Variants in C1orf167 observed in about 807,000 individuals in gnomAD.
The protein encoded by C1orf167 is chromosome 1 open reading frame 167.
Under a neutral mutation model 176.5 loss-of-function variants are expected in C1orf167, and 153 were observed. The ratio of observed to expected loss-of-function variants is 0.87; its 90% CI spans 0.76 to 0.99. The LOEUF is 0.99. Among genes scored for constraint, C1orf167 ranks in the 50% least tolerant of loss-of-function variants. The pLI is 0.00. For synonymous variants in C1orf167, 594 were observed against 752.7 expected (o/e 0.79, Z 3.45); for missense variants, 1,490 against 1,817.7 (o/e 0.82, Z 3.28).
At position 11,766,167 on chromosome 1, in the gene C1orf167, C is replaced by A; in HGVS notation, c.381C>A (p.Ile127=). The A allele has an allele frequency of 3.1e-6, 4 of 1,289,878 alleles. No homozygotes were observed. Among genetic ancestry groups the A allele is most frequent in the Non-Finnish European group, 4.0e-6 (4 of 988,868 alleles). The allele number at this position is 1,289,878 out of a possible 1,614,324, so 79.9% of individuals were successfully genotyped here. A position where few individuals can be genotyped will look rare whatever the true frequency, so the allele number is the denominator to read the frequency against. The change falls in exon 3 of 21, where the codon ATC becomes ATA. Residue 127 remains isoleucine, a synonymous_variant. Transcript: ENST00000688073. The surrounding 1 kb of genome is among the most constrained non-coding windows in gnomAD (Gnocchi z 4.5). ...EFAIQQSNLS[I]NETSSPHLCP... is the part of the protein sequence containing the mutation. ...CCATCCAGCAGAGCAACCTGAGCAT[C>A]AACGAGACCAGCAGCCCCCACCTCT...
rs775566076 is a variant in C1orf167 at position 11,768,270 on chromosome 1, C to T, written c.1537C>T (p.Arg513Ter). 16 of 1,289,856 alleles carry T rather than the reference C, an allele frequency of 1.2e-5. 1 individual carries two copies. Among genetic ancestry groups the T allele is most frequent in the East Asian group, 5.6e-5 (1 of 18,018 alleles). 79.9% of individuals were successfully genotyped at this position (1,289,856 alleles called of 1,614,324 possible). A position where few individuals can be genotyped will look rare whatever the true frequency, so the allele number is the denominator to read the frequency against. ...AAAGGTTCTGCTGGTCCGGAGCTTC[C>T]GAGAGGTCAGCGGTCTCCAGGTTGG... is the stretch of plus-strand genomic sequence containing the variant. ...YTKVLLVRSF[R>*]EWRNLALQQK... The change falls in exon 5 of 21, where the codon CGA (arginine) becomes TGA (stop). Residue 513 changes from arginine to a stop codon, truncating the protein, a stop_gained. Coordinates refer to ENST00000688073, the MANE Select transcript of C1orf167 (RefSeq NM_001010881.2). LOFTEE classifies it high-confidence loss of function. The surrounding 1 kb of genome is among the most constrained non-coding windows in gnomAD (Gnocchi z 4.5).
chr1:11,778,970 T>C lies in C1orf167; in HGVS notation c.2541T>C (p.Leu847=), dbSNP rs1376776245. Residue 847 remains leucine (L), a synonymous_variant, in exon 12 of 21, where the codon CTT becomes CTC. Coordinates refer to ENST00000688073, the MANE Select transcript of C1orf167 (RefSeq NM_001010881.2). The part of the protein sequence containing the change: ...PTLPDTLQGS[L]LWAAGQRQQG... ...TCCCGGACACTCTCCAGGGGAGCCT[T>C]CTGTGGGCAGCTGGGCAGCGGCAGC... 2 of 1,303,814 alleles carry C rather than the reference T, an allele frequency of 1.5e-6. No homozygotes were observed. Among genetic ancestry groups the C allele is most frequent in the Admixed American group, 4.6e-5 (2 of 43,534 alleles). The allele number at this position is 1,303,814 out of a possible 1,614,324, so 80.8% of individuals were successfully genotyped here.
chr1:11,771,436 G>A (rs533166781), intron 6 of C1orf167, 88 bp from the exon 7 acceptor site: 136 of 745,032 alleles, frequency 1.8e-4, no homozygotes, highest in Non-Finnish European at 2.6e-4. Context: ...AGGGCAGACC[G>A]CACCTGCCTG....
chr1:11,774,675 TA>T (rs1643229293), intron 8 of C1orf167, among the ~76,000 whole-genome samples: 1 of 151,744 alleles, frequency 6.6e-6, no homozygotes. Flanking sequence ...GGGCTGAGGG[TA>T]GTTGAAGATG....
chr1:11,767,376 G>A lies in C1orf167; in HGVS notation c.1343+112G>A, dbSNP rs1045934261. ...ATGAGGGCCTGATGGAGAGGAGGCA[G>A]GGTTTCAAGGAAGAGGAACTTACTA... On this transcript the variant is annotated intron_variant, in intron 4 of 20. Transcript: ENST00000688073. The A allele has an allele frequency of 7.1e-6, 7 of 980,838 alleles. No homozygotes were observed. The Admixed American group carries it at 7.5e-5, about 10-fold the overall frequency. The allele number at this position is 980,838 out of a possible 1,614,324, so 60.8% of individuals were successfully genotyped here.
intron 7 of C1orf167, 68 bp from the exon 8 acceptor site, chr1:11,772,014 C>T: frequency 3.4e-6 from 4 of 1,190,928 alleles, no homozygotes; most frequent in Non-Finnish European, 4.4e-6. Context: ...ATGTCAGGGG[C>T]CCCTCCTGGC....
rs1161351503 is a variant in C1orf167, at chr1:11,787,513, G to A, written c.3673+20G>A. On this transcript the variant is annotated intron_variant, in intron 17 of 20. Transcript: ENST00000688073. Reference sequence around the variant, plus strand: ...CTCAGAGTAAGGAGACCTTGCCCCGGGGGACAAACGGTGTCTGAAGTGCAG... The same window carrying A: ...CTCAGAGTAAGGAGACCTTGCCCCGAGGGACAAACGGTGTCTGAAGTGCAG... 1.6e-6 allele frequency: 2 copies of A among 1,283,688 alleles called. No homozygotes were observed. The highest frequency in any genetic ancestry group is 1.5e-5 in the African/African-American group (1 of 65,316). 79.5% of individuals were successfully genotyped at this position (1,283,688 alleles called of 1,614,324 possible).
At position 11,776,864 on chromosome 1, in the gene C1orf167, G is replaced by A. The variant is rs1266307943; in HGVS notation, c.2339+226G>A. On this transcript the variant is annotated intron_variant, in intron 10 of 20. Coordinates refer to ENST00000688073, the MANE Select transcript of C1orf167 (RefSeq NM_001010881.2). The stretch of plus-strand genomic sequence containing the variant: ...GACACTGGAACAGTGATTGAGCAGA[G>A]GGCCACTGGGGGCCAGGGGGCTGCC... Among the ~76,000 whole-genome samples, 5 of 152,186 alleles carry A rather than the reference G, an allele frequency of 3.3e-5. No individual in the cohort carries two copies. In the South Asian group the frequency reaches 1.0e-3, roughly 31 times the overall value.
chr1:11,772,533 C>T (rs1643130115), intron 8 of C1orf167, among the ~76,000 whole-genome samples: 1 of 152,240 alleles, frequency 6.6e-6, no homozygotes, highest in Admixed American at 6.5e-5. Context: ...TCCAGAAGTG[C>T]TGGGATTACA....
intron 6 of C1orf167, among the ~76,000 whole-genome samples, chr1:11,771,061 A>ATT: frequency 1.1e-5 from 1 of 87,146 alleles, no homozygotes; most frequent in Non-Finnish European, 2.1e-5. Context: ...ATATATATAT[A>ATT]TATATATATT....
In C1orf167 at chr1:11,764,456, C is replaced by G. The variant is rs1192859910; in HGVS notation, c.56C>G (p.Ala19Gly). ...GAGAATGTGTCCCCAAAGCCTGCAGCGCTCCCGAAGCCAGGCAAGAGGCTT... is the reference window on the plus strand; with the variant it reads ...GAGAATGTGTCCCCAAAGCCTGCAGGGCTCCCGAAGCCAGGCAAGAGGCTT... ...HKENVSPKPA[A>G]LPKPEQRRFR... The change falls in exon 2 of 21, where the codon GCG (alanine) becomes GGG (glycine). Residue 19 changes from alanine to glycine, a missense_variant. Ala to Gly is a moderately conservative substitution (Grantham distance 60). Coordinates refer to ENST00000688073, the MANE Select transcript of C1orf167 (RefSeq NM_001010881.2). 4 of 1,289,378 alleles carry G rather than the reference C, an allele frequency of 3.1e-6. No homozygotes were observed. The highest frequency in any genetic ancestry group is 2.1e-4 in the Middle Eastern group (1 of 4,696). The allele number at this position is 1,289,378 out of a possible 1,614,324, so 79.9% of individuals were successfully genotyped here.
intron 3 of C1orf167, 47 bp downstream of exon 3, chr1:11,767,132 T>C (rs914738321): frequency 2.7e-5 from 35 of 1,273,592 alleles, no homozygotes; most frequent in Non-Finnish European, 3.4e-5. Context: ...TAGGAGGTGT[T>C]GCTCCAGGGC....
Position 11,765,960 on chromosome 1 carries a change from C to T in C1orf167, c.174C>T (p.Pro58=), listed in dbSNP as rs79589825. 218 of 1,273,942 alleles carry T rather than the reference C, an allele frequency of 1.7e-4. 3 individuals are homozygous for T. The East Asian group carries it at 0.01, about 59-fold the overall frequency. 78.9% of individuals were successfully genotyped at this position (1,273,942 alleles called of 1,614,324 possible). A position where few individuals can be genotyped will look rare whatever the true frequency, so the allele number is the denominator to read the frequency against. The change falls in exon 3 of 21, where the codon CCC becomes CCT. Residue 58 remains proline, a synonymous_variant. Coordinates refer to ENST00000688073, the MANE Select transcript of C1orf167 (RefSeq NM_001010881.2). ...QVERGGPAAT[P]SPGAVLDQEP... ...AGAGGGGAGGGCCTGCTGCCACACC[C>T]TCCCCAGGGGCAGTGCTAGACCAGG...
chr1:11,772,562 T>C (rs911896895), intron 8 of C1orf167, among the ~76,000 whole-genome samples: 3 of 152,146 alleles, frequency 2.0e-5, no homozygotes, highest in African/African-American at 7.2e-5. Flanking sequence ...CCAGCATGCC[T>C]GGCCCCCACT....
At chr1:11,778,886 A>T in intron 11 of C1orf167, 40 bp from the exon 12 acceptor site, 1 of 1,297,188 alleles carries the variant, frequency 7.7e-7, no homozygotes, top group Non-Finnish European at 1.0e-6. Context: ...TGGGAAGGGG[A>T]CAGGGTAGGG....
intron 10 of C1orf167, chr1:11,778,259 T>G (rs1570412246): frequency 7.9e-6 from 1 of 127,364 alleles, no homozygotes. Context: ...CCCACTGCAC[T>G]CCAGCCTGGG....
chr1:11,773,145 G>A (rs1028067205), intron 8 of C1orf167, among the ~76,000 whole-genome samples: 9 of 151,064 alleles, frequency 6.0e-5, no homozygotes, highest in African/African-American at 2.2e-4. Flanking sequence ...CACCCACCTC[G>A]GCCTCCCAAA....
At position 11,779,878 on chromosome 1, in the gene C1orf167, C is replaced by T. The variant is rs761710716; in HGVS notation, c.2728C>T (p.Arg910Trp). ...RELASHRAWD[R>W]TCRAVLGLWR... ...GCTGGCTTCCCACCGGGCCTGGGAT[C>T]GGACCTGCAGGGCTGTGCTGGGCCT... Residue 910 changes from arginine (R) to tryptophan (W), a missense_variant, in exon 13 of 21, where the codon CGG becomes TGG. Arg to Trp is a moderately radical substitution (Grantham distance 101). Transcript: ENST00000688073. 1.6e-5 allele frequency: 21 copies of T among 1,303,116 alleles called. No individual in the cohort carries two copies. Among genetic ancestry groups the T allele is most frequent in the South Asian group, 6.2e-5 (5 of 80,962 alleles). The allele number at this position is 1,303,116 out of a possible 1,614,324, so 80.7% of individuals were successfully genotyped here. A position where few individuals can be genotyped will look rare whatever the true frequency, so the allele number is the denominator to read the frequency against.
rs1282736399 is a variant in C1orf167, at chr1:11,776,499, T to C, written c.2200T>C (p.Cys734Arg). 1 of 1,301,268 alleles carries C rather than the reference T, an allele frequency of 7.7e-7. No homozygotes were observed. The highest frequency in any genetic ancestry group is 1.0e-6 in the Non-Finnish European group (1 of 987,738). The allele number at this position is 1,301,268 out of a possible 1,614,324, so 80.6% of individuals were successfully genotyped here. A position where few individuals can be genotyped will look rare whatever the true frequency, so the allele number is the denominator to read the frequency against. Reference sequence around the variant, plus strand: ...TGTCTACACCGCAGGCCCTGGAGCCTGTGGCCTGGGTGCAGTGGGCCAGGC... The same window carrying C: ...TGTCTACACCGCAGGCCCTGGAGCCCGTGGCCTGGGTGCAGTGGGCCAGGC... The part of the protein sequence containing the change: ...EAVYTAGPGA[C>R]GLGAVGQAQG... The change falls in exon 10 of 21, where the codon TGT becomes CGT. Residue 734 changes from cysteine (C) to arginine (R), a missense_variant. Coordinates refer to ENST00000688073, the MANE Select transcript of C1orf167 (RefSeq NM_001010881.2).
Sources: allele counts gnomAD v4.1 joint callset (sites outside exome capture counted in the v4.1 genomes callset), GRCh38; gene constraint gnomAD v4.1.1; non-coding constraint Gnocchi (gnomAD v3.1); transcripts MANE v1.5; gene names NCBI Gene and HGNC (gene_info 2026-07-23, HGNC 2026-07-21).